ESRRB: variants seen among roughly 807,000 people sequenced by gnomAD.
The protein encoded by ESRRB is estrogen related receptor beta, also known as steroid hormone receptor ERR2.
ESRRB carries 16 observed loss-of-function variants against 46.0 expected under a neutral mutation model. The observed-to-expected ratio is 0.35, with a 90% CI of 0.24 to 0.53. ESRRB has a LOEUF of 0.53. Among genes scored for constraint, ESRRB ranks in the 20% least tolerant of loss-of-function variants. The pLI, the probability that ESRRB is intolerant of heterozygous loss-of-function variation, is 0.93. For synonymous variants in ESRRB, 246 were observed against 259.6 expected, an observed-to-expected ratio of 0.95 and a Z score of 0.50; for missense variants, 488 against 607.4, an observed-to-expected ratio of 0.80 and a Z score of 2.07.
intron 3 of ESRRB, among the ~76,000 whole-genome samples, chr14:76,467,131 G>T (rs895429441): frequency 2.0e-5 from 3 of 152,134 alleles, no homozygotes; most frequent in Admixed American, 6.5e-5. Flanking sequence ...GGGACAGATG[G>T]GACAGCTCCT....
At chr14:76,404,588 ACCTCTTCCTCCACCGTCT>A (rs1329910516) in intron 1 of ESRRB, 2 of 152,520 alleles carry the variant, frequency 1.3e-5, no homozygotes, top group Admixed American at 6.6e-5. Flanking sequence ...AGCCACCTTC[ACCTCTTCCTCCACCGTCT>A]CCTCTTCCTT....
upstream of ESRRB, among the ~76,000 whole-genome samples, chr14:76,370,805 C>T (rs1427203924): frequency 6.6e-6 from 1 of 152,182 alleles, no homozygotes; most frequent in Non-Finnish European, 1.5e-5. Flanking sequence ...TCCTCATCCT[C>T]CAACCTGCCT....
chr14:76,336,959 C>T (rs910148557), intron 1 of ESRRB, among the ~76,000 whole-genome samples: 4 of 152,078 alleles, frequency 2.6e-5, no homozygotes, highest in African/African-American at 9.7e-5. Flanking sequence ...CCAGGGCGAT[C>T]TCCACCGCCC....
intron 3 of ESRRB, among the ~76,000 whole-genome samples, chr14:76,475,402 A>T (rs1889542674): frequency 6.6e-6 from 1 of 151,668 alleles, no homozygotes; most frequent in African/African-American, 2.4e-5. Flanking sequence ...GAAAAAGTGG[A>T]ATCACATAAT....
Position 76,500,602 on chromosome 14 carries a change from G to A in ESRRB, c.*2144G>A. ...GCTGTGTCCTTGCAGCGGGGCCGAGGTAGCACCCTGCTCTGTCACTTCCTG... is the reference window on the plus strand; with the variant it reads ...GCTGTGTCCTTGCAGCGGGGCCGAGATAGCACCCTGCTCTGTCACTTCCTG... On this transcript the variant is annotated 3_prime_UTR_variant, in exon 7 of 7. Coordinates refer to ENST00000644823, the MANE Select transcript of ESRRB (RefSeq NM_001379180.1). The A allele has an allele frequency of 1.5e-6, 2 of 1,334,310 alleles. No homozygotes were observed. 82.7% of individuals were successfully genotyped at this position (1,334,310 alleles called of 1,614,324 possible).
upstream of ESRRB, among the ~76,000 whole-genome samples, chr14:76,368,984 G>C (rs1242309816): frequency 1.3e-5 from 2 of 152,002 alleles, no homozygotes; most frequent in Non-Finnish European, 2.9e-5. Flanking sequence ...ATCACCTGAG[G>C]TAAGGAGTTT....
intron 1 of ESRRB, among the ~76,000 whole-genome samples, chr14:76,428,218 G>C (rs1279118463): frequency 1.3e-5 from 2 of 152,016 alleles, no homozygotes; most frequent in South Asian, 4.1e-4. Flanking sequence ...GGCTGGTCTC[G>C]AACTCCCGAC....
At chr14:76,471,594 C>T (rs1889376287) in intron 3 of ESRRB, among the ~76,000 whole-genome samples, 1 of 152,140 alleles carries the variant, frequency 6.6e-6, no homozygotes. Context: ...CTTTCAGGGC[C>T]TTCCCTCTGC....
At chr14:76,451,964 A>C (rs940361092) in intron 2 of ESRRB, among the ~76,000 whole-genome samples, 1 of 149,152 alleles carries the variant, frequency 6.7e-6, no homozygotes, top group Non-Finnish European at 1.5e-5. Context: ...TTTTCCCCCA[A>C]GATGGAGTCT....
chr14:76,407,409 C>A, intron 1 of ESRRB: 1 of 322,272 alleles, frequency 3.1e-6, no homozygotes, highest in Non-Finnish European at 4.5e-6. Flanking sequence ...TGCCCCTCTC[C>A]ATGTTTGAGG....
intron 1 of ESRRB, among the ~76,000 whole-genome samples, chr14:76,347,448 C>A (rs61979367): frequency 0.85 from 40,039 of 46,856 alleles, 16,632 homozygotes; most frequent in Middle Eastern, 0.91. Flanking sequence ...ACACACACAC[C>A]GAGAAAACTA....
intron 1 of ESRRB, among the ~76,000 whole-genome samples, chr14:76,393,649 G>A (rs930846711): frequency 6.6e-6 from 1 of 152,104 alleles, no homozygotes; most frequent in Non-Finnish European, 1.5e-5. Context: ...GCCAGGTGCC[G>A]GCAACTGCAA....
intron 1 of ESRRB, among the ~76,000 whole-genome samples, chr14:76,381,823 A>G (rs1885026038): frequency 6.6e-6 from 1 of 152,132 alleles, no homozygotes; most frequent in African/African-American, 2.4e-5. Context: ...CACAGGCTCA[A>G]TTTGTTTCTG....
chr14:76,336,823 C>G (rs1010822181), intron 1 of ESRRB, among the ~76,000 whole-genome samples: 1 of 152,136 alleles, frequency 6.6e-6, no homozygotes, highest in Non-Finnish European at 1.5e-5. Flanking sequence ...ACAAAAGTCT[C>G]TATTTCAGTG....
intron 1 of ESRRB, among the ~76,000 whole-genome samples, chr14:76,406,655 G>A (rs1004519751): frequency 7.9e-5 from 12 of 152,196 alleles, no homozygotes; most frequent in African/African-American, 2.9e-4. Flanking sequence ...TGAAGCAGGA[G>A]AATTGCTTGA....
intron 3 of ESRRB, chr14:76,463,445 G>GTTTTGTTTTTT (rs1555342250): frequency 6.1e-5 from 7 of 114,738 alleles, no homozygotes; most frequent in African/African-American, 2.2e-4. Context: ...ATGCTTCTTT[G>GTTTTGTTTTTT]TTTTTTTTTT....
At chr14:76,434,393 T>C (rs947346976) in intron 1 of ESRRB, among the ~76,000 whole-genome samples, 1 of 152,146 alleles carries the variant, frequency 6.6e-6, no homozygotes, top group Non-Finnish European at 1.5e-5. Flanking sequence ...TGGCCCATCC[T>C]GTAATCCTAG....
chr14:76,476,118 C>T (rs1246224761), intron 3 of ESRRB, among the ~76,000 whole-genome samples: 9 of 151,648 alleles, frequency 5.9e-5, no homozygotes, highest in Admixed American at 4.6e-4. Context: ...ACTCTGTTGC[C>T]CAGGCTGGAG....
rs529246956 is a variant in ESRRB at position 76,379,259 on chromosome 14, G to A, written c.50+2808G>A. Among the ~76,000 whole-genome samples the A allele has an allele frequency of 1.8e-4, 27 of 152,236 alleles. No individual in the cohort carries two copies. The South Asian group carries it at 5.0e-3, about 28-fold the overall frequency. On this transcript the variant is annotated intron_variant, in intron 1 of 6. Transcript: ENST00000644823. Reference sequence around the variant, plus strand: ...ATAATCACCCAGAGTGGGAGGCAGCGTGCTCGCCTGTGTGTGCCTGTGTAC... The same window carrying A: ...ATAATCACCCAGAGTGGGAGGCAGCATGCTCGCCTGTGTGTGCCTGTGTAC...
Sources: allele counts gnomAD v4.1 joint callset (sites outside exome capture counted in the v4.1 genomes callset), GRCh38; gene constraint gnomAD v4.1.1; transcripts MANE v1.5; gene names NCBI Gene and HGNC (gene_info 2026-07-23, HGNC 2026-07-21).